UIMC1: variants seen among roughly 807,000 people sequenced by gnomAD.
UIMC1 encodes BRCA1-A complex subunit RAP80.
In UIMC1, 42 loss-of-function variants were observed where a neutral mutation model predicts 84.9. The observed-to-expected ratio is 0.49, with a 90% CI of 0.39 to 0.64. The LOEUF is 0.64. Among genes scored for constraint, UIMC1 ranks in the 30% least tolerant of loss-of-function variants. The probability of loss-of-function intolerance (pLI) is 0.00; values close to 1 mark genes in which losing one functional copy is unlikely to be tolerated. For missense variants in UIMC1, 825 were observed against 847.6 expected (o/e 0.97, Z 0.33); for synonymous variants, 281 against 293.0 (o/e 0.96, Z 0.42).
At chr5:176,943,625 T>C (rs1028365896) in intron 9 of UIMC1, 137 bp from the exon 10 acceptor site, 28 of 1,095,804 alleles carry the variant, frequency 2.6e-5, no homozygotes, top group Middle Eastern at 3.0e-4. Context: ...GGAGTAAAGA[T>C]TGAGAGATAC....
chr5:177,010,546 C>CA (rs991319129), upstream of UIMC1, among the ~76,000 whole-genome samples: 15 of 147,304 alleles, frequency 1.0e-4, 1 homozygote, highest in Admixed American at 9.5e-4. Context: ...ATAGAGGATA[C>CA]TTTTTTTTTT....
chr5:176,960,123 T>G (rs1291737270), intron 6 of UIMC1, among the ~76,000 whole-genome samples: 2 of 152,206 alleles, frequency 1.3e-5, no homozygotes, highest in Non-Finnish European at 2.9e-5. Flanking sequence ...ACAAGCAACT[T>G]AAGAAGCAAA....
rs575148471 is a variant in UIMC1 at position 176,958,080 on chromosome 5, T to C, written c.1262+13A>G. The C allele has an allele frequency of 3.1e-6, 5 of 1,613,270 alleles. No individual in the cohort carries two copies. The highest frequency in any genetic ancestry group is 4.2e-6 in the Non-Finnish European group (5 of 1,179,388). On this transcript the variant is annotated intron_variant, in intron 7 of 14. Coordinates refer to ENST00000511320, the MANE Select transcript of UIMC1 (RefSeq NM_001199298.2). ...CATCAGAGGAGAATGCATAGCAACATATAATCTCTCACCTTTGTGAAGCAG... is the reference window on the plus strand; with the variant it reads ...CATCAGAGGAGAATGCATAGCAACACATAATCTCTCACCTTTGTGAAGCAG...
intron 10 of UIMC1, among the ~76,000 whole-genome samples, chr5:176,930,293 A>C (rs1369709461): frequency 6.6e-6 from 1 of 152,238 alleles, no homozygotes; most frequent in Non-Finnish European, 1.5e-5. Flanking sequence ...TTATTAAAAA[A>C]TATATTGACC....
At chr5:176,908,163 T>C (rs566360702) in intron 12 of UIMC1, among the ~76,000 whole-genome samples, 10 of 152,066 alleles carry the variant, frequency 6.6e-5, no homozygotes, top group African/African-American at 2.4e-4. Flanking sequence ...TGCATATATA[T>C]TGAGAGAGAG....
At chr5:176,988,289 C>T (rs1772324248) in intron 1 of UIMC1, among the ~76,000 whole-genome samples, 2 of 152,012 alleles carry the variant, frequency 1.3e-5, no homozygotes, top group Non-Finnish European at 2.9e-5. Flanking sequence ...AACTGGAACT[C>T]TAGTACACTG....
chr5:176,951,704 G>C (rs925402020), intron 8 of UIMC1, 127 bp from the exon 9 acceptor site: 2 of 596,374 alleles, frequency 3.4e-6, no homozygotes, highest in African/African-American at 1.9e-5. Context: ...TATATTAATA[G>C]ATCTAGTTTG....
At chr5:176,933,161 C>T (rs1763324276) in intron 10 of UIMC1, among the ~76,000 whole-genome samples, 1 of 152,090 alleles carries the variant, frequency 6.6e-6, no homozygotes, top group South Asian at 2.1e-4. Context: ...CTGGAAAGCA[C>T]CTTCGAGGCA....
chr5:176,943,411 T>G lies in UIMC1; in HGVS notation c.1521A>C (p.Leu507=). 1 of 1,614,188 alleles carries G rather than the reference T, an allele frequency of 6.2e-7. No homozygotes were observed. Among genetic ancestry groups the G allele is most frequent in the Non-Finnish European group, 8.5e-7 (1 of 1,180,040 alleles). Reference sequence around the variant, plus strand: ...TTGTGGGTGGAAAGCATTGGTCACATAGCGGGCAGGATACCTGGTTACTGG... The same window carrying G: ...TTGTGGGTGGAAAGCATTGGTCACAGAGCGGGCAGGATACCTGGTTACTGG... The part of the protein sequence containing the change: ...FSSSNQVSCP[L]CDQCFPPTKI... Residue 507 remains leucine, a synonymous_variant, in exon 10 of 15, where the codon CTA becomes CTC. Transcript: ENST00000511320.
chr5:176,973,738 T>C (rs1769626792), intron 3 of UIMC1, among the ~76,000 whole-genome samples: 1 of 152,012 alleles, frequency 6.6e-6, no homozygotes, highest in Non-Finnish European at 1.5e-5. Context: ...ATCTTGTCTC[T>C]ACAAATAATA....
At chr5:176,905,550 G>GC (rs1759250568) in intron 14 of UIMC1, 58 bp from the exon 15 acceptor site, 2 of 1,481,158 alleles carry the variant, frequency 1.4e-6, no homozygotes, top group East Asian at 4.5e-5. Flanking sequence ...TCAAGGACAT[G>GC]CTATGCACTG....
intron 1 of UIMC1, among the ~76,000 whole-genome samples, chr5:176,992,732 G>A (rs1387479720): frequency 1.3e-5 from 2 of 151,914 alleles, no homozygotes. Flanking sequence ...CCTGAACCAG[G>A]GAGGTCAAAG....
chr5:176,988,190 C>G (rs1042789220), intron 1 of UIMC1, among the ~76,000 whole-genome samples: 1 of 148,418 alleles, frequency 6.7e-6, no homozygotes, highest in South Asian at 2.1e-4. Flanking sequence ...AAATCAAAAC[C>G]ACAATGAAAT....
chr5:176,978,350 G>A (rs1460550442), intron 2 of UIMC1, among the ~76,000 whole-genome samples: 3 of 152,154 alleles, frequency 2.0e-5, no homozygotes, highest in Admixed American at 6.5e-5. Context: ...TCCAGCCTGG[G>A]CGACAGAGCG....
chr5:176,910,063 G>T (rs941603558), intron 11 of UIMC1, among the ~76,000 whole-genome samples: 6 of 152,168 alleles, frequency 3.9e-5, no homozygotes, highest in African/African-American at 1.4e-4. Flanking sequence ...AGAAGCTGGG[G>T]ATATAAACAT....
At position 176,908,553 on chromosome 5, in the gene UIMC1, C is replaced by T. The variant is rs373187786; in HGVS notation, c.1818G>A (p.Gly606=). The part of the protein sequence containing the change: ...GSGRACSTVE[G]KWQQRLKNPK... ...GGTTCTTCAGCCTCTGCTGCCACTT[C>T]CCCTCCACAGTTGAACATGCTCTTC... Residue 606 remains glycine, a synonymous_variant, in exon 12 of 15, where the codon GGG becomes GGA. Transcript: ENST00000511320. The T allele has an allele frequency of 5.0e-6, 8 of 1,614,078 alleles. No individual in the cohort carries two copies. The highest frequency in any genetic ancestry group is 6.8e-6 in the Non-Finnish European group (8 of 1,179,982).
intron 9 of UIMC1, among the ~76,000 whole-genome samples, chr5:176,944,034 C>T (rs1204001913): frequency 2.6e-5 from 4 of 152,200 alleles, no homozygotes; most frequent in African/African-American, 9.7e-5. Context: ...TGCATATCAA[C>T]AGCACCTTAA....
chr5:176,993,214 G>A (rs1304132431), intron 1 of UIMC1, among the ~76,000 whole-genome samples: 1 of 151,214 alleles, frequency 6.6e-6, no homozygotes, highest in Non-Finnish European at 1.5e-5. Context: ...GCCGGGTGCA[G>A]TGGCTCATGC....
chr5:176,983,883 G>A lies in UIMC1; in HGVS notation c.-8-1260C>T, dbSNP rs370169880. On this transcript the variant is annotated intron_variant, in intron 1 of 14. Coordinates refer to ENST00000511320, the MANE Select transcript of UIMC1 (RefSeq NM_001199298.2). ...AAGTGAGGAGTGCCTCTGCCCGGCCGCCACCCCATCTGGGATGTGAGGAGC... is the reference window on the plus strand; with the variant it reads ...AAGTGAGGAGTGCCTCTGCCCGGCCACCACCCCATCTGGGATGTGAGGAGC... 1.2e-4 allele frequency among the ~76,000 whole-genome samples: 17 copies of A among 138,908 alleles called. No homozygotes were observed. In the South Asian group the frequency reaches 2.2e-3, roughly 18 times the overall value. The allele number at this position is 138,908 out of a possible 152,430, so 91.1% of individuals were successfully genotyped here. A position where few individuals can be genotyped will look rare whatever the true frequency, so the allele number is the denominator to read the frequency against.
Sources: allele counts gnomAD v4.1 joint callset (sites outside exome capture counted in the v4.1 genomes callset), GRCh38; gene constraint gnomAD v4.1.1; transcripts MANE v1.5; gene names NCBI Gene and HGNC (gene_info 2026-07-23, HGNC 2026-07-21).